Variants in DAAM1 observed in about 807,000 individuals in gnomAD.
The protein encoded by DAAM1 is dishevelled associated activator of morphogenesis 1.
In DAAM1, 52 loss-of-function variants were observed where a neutral mutation model predicts 130.0. The observed-to-expected ratio is 0.40, with a 90% CI of 0.32 to 0.50. DAAM1 has a LOEUF of 0.50. Ranked by LOEUF, DAAM1 falls within the 20% of genes least tolerant of loss-of-function variation. The pLI is 0.61. For synonymous variants in DAAM1, 452 were observed against 444.5 expected, an observed-to-expected ratio of 1.02 and a Z score of -0.21; for missense variants, 1,134 against 1,303.8, an observed-to-expected ratio of 0.87 and a Z score of 2.01.
intron 1 of DAAM1, among the ~76,000 whole-genome samples, chr14:59,259,464 C>T (rs138599198): frequency 3.0e-4 from 46 of 152,324 alleles, no homozygotes; most frequent in African/African-American, 1.1e-3. Flanking sequence ...TTCTTGCCCT[C>T]ATTTCCTGGT....
chr14:59,249,319 G>C (rs1594779535), intron 1 of DAAM1, among the ~76,000 whole-genome samples: 1 of 152,166 alleles, frequency 6.6e-6, no homozygotes, highest in South Asian at 2.1e-4. Flanking sequence ...GTGTACTTAT[G>C]TTCTAGAAGT....
intron 1 of DAAM1, among the ~76,000 whole-genome samples, chr14:59,233,903 C>A (rs558763787): frequency 6.6e-6 from 1 of 152,260 alleles, no homozygotes; most frequent in South Asian, 2.1e-4. Flanking sequence ...TTTCCCATTG[C>A]TTGTTTTTGT....
Position 59,352,513 on chromosome 14 carries a change from G to A in DAAM1, c.2161-13G>A. The A allele has an allele frequency of 6.2e-7, 1 of 1,600,450 alleles. No individual in the cohort carries two copies. Among genetic ancestry groups the A allele is most frequent in the Non-Finnish European group, 8.5e-7 (1 of 1,170,456 alleles). On this transcript the variant is annotated splice_polypyrimidine_tract_variant and intron_variant, in intron 17 of 24. Coordinates refer to ENST00000360909, the MANE Select transcript of DAAM1 (RefSeq NM_001270520.2). Reference sequence around the variant, plus strand: ...GATAAACCTCAGTTTTAATATTCGTGTGTACTTTTCAGCTCTTGAAATTTG... The same window carrying A: ...GATAAACCTCAGTTTTAATATTCGTATGTACTTTTCAGCTCTTGAAATTTG...
intron 12 of DAAM1, among the ~76,000 whole-genome samples, 167 bp downstream of exon 12, chr14:59,327,158 A>G (rs1221009114): frequency 6.6e-6 from 1 of 152,056 alleles, no homozygotes; most frequent in African/African-American, 2.4e-5. Flanking sequence ...AAATTGAGCT[A>G]TTTTAGTTGT....
intron 14 of DAAM1, 80 bp downstream of exon 14, chr14:59,331,588 C>G: frequency 6.6e-7 from 1 of 1,513,180 alleles, no homozygotes; most frequent in Non-Finnish European, 8.8e-7. Flanking sequence ...GAAAACAGCC[C>G]TGGCTGTTAA....
At chr14:59,197,383 T>C (rs1887932560) in intron 1 of DAAM1, among the ~76,000 whole-genome samples, 1 of 152,244 alleles carries the variant, frequency 6.6e-6, no homozygotes, top group African/African-American at 2.4e-5. Context: ...CTGTTGGTAA[T>C]GTGAACTAAA....
intron 19 of DAAM1, among the ~76,000 whole-genome samples, chr14:59,354,253 G>A (rs1356213977): frequency 6.6e-6 from 1 of 152,096 alleles, no homozygotes; most frequent in Non-Finnish European, 1.5e-5. Context: ...GTAGAGACGG[G>A]GTTTCACCAC....
At chr14:59,359,688 C>CCAAAG (rs1337801772) in intron 21 of DAAM1, among the ~76,000 whole-genome samples, 184 bp downstream of exon 21, 8 of 152,176 alleles carry the variant, frequency 5.3e-5, no homozygotes, top group African/African-American at 1.9e-4. Context: ...TATGTTTGTT[C>CCAAAG]TAGCTTCTTT....
intron 3 of DAAM1, among the ~76,000 whole-genome samples, chr14:59,307,513 G>C (rs1380109871): frequency 6.6e-6 from 1 of 152,170 alleles, no homozygotes; most frequent in Non-Finnish European, 1.5e-5. Context: ...GATAAAGAGG[G>C]AGCTAACTGA....
At chr14:59,322,471 A>C (rs758145452) in intron 5 of DAAM1, among the ~76,000 whole-genome samples, 6 of 150,888 alleles carry the variant, frequency 4.0e-5, no homozygotes, top group African/African-American at 7.3e-5. Flanking sequence ...GCAGTGAGCT[A>C]TGACAGAGCA....
At chr14:59,190,442 A>G (rs1334909653) in intron 1 of DAAM1, among the ~76,000 whole-genome samples, 1 of 152,178 alleles carries the variant, frequency 6.6e-6, no homozygotes, top group African/African-American at 2.4e-5. Context: ...TGTTGTGCAT[A>G]AAGAGAGCTC....
intron 15 of DAAM1, among the ~76,000 whole-genome samples, chr14:59,336,620 C>T (rs1185380927): frequency 6.6e-6 from 1 of 152,128 alleles, no homozygotes; most frequent in Non-Finnish European, 1.5e-5. Context: ...GAAACTCTTG[C>T]TTGGCATTCT....
chr14:59,311,455 G>A (rs1439222762), intron 3 of DAAM1, among the ~76,000 whole-genome samples: 1 of 151,570 alleles, frequency 6.6e-6, no homozygotes. Flanking sequence ...CAAAGCTCTT[G>A]TCCTGACAAT....
chr14:59,230,383 C>G (rs951308866), intron 1 of DAAM1, among the ~76,000 whole-genome samples: 1 of 151,858 alleles, frequency 6.6e-6, no homozygotes, highest in African/African-American at 2.4e-5. Flanking sequence ...AACATGGAGC[C>G]TCTTCCTGGG....
chr14:59,324,651 C>T (rs1885140933), intron 8 of DAAM1, among the ~76,000 whole-genome samples, 197 bp downstream of exon 8: 1 of 152,198 alleles, frequency 6.6e-6, no homozygotes, highest in Non-Finnish European at 1.5e-5. Flanking sequence ...ATGTAGAGAA[C>T]TTAATGTGGG....
chr14:59,245,800 T>C (rs1881343228), intron 1 of DAAM1, among the ~76,000 whole-genome samples: 1 of 152,206 alleles, frequency 6.6e-6, no homozygotes, highest in Non-Finnish European at 1.5e-5. Context: ...ATATTAGTGT[T>C]GTACAGTTGA....
At chr14:59,228,034 C>T (rs914028322) in intron 1 of DAAM1, among the ~76,000 whole-genome samples, 3 of 152,050 alleles carry the variant, frequency 2.0e-5, no homozygotes, top group Admixed American at 6.6e-5. Flanking sequence ...TAGTAGAAAC[C>T]CTTTGAACTT....
intron 12 of DAAM1, among the ~76,000 whole-genome samples, chr14:59,330,121 G>T (rs1455719908): frequency 6.6e-6 from 1 of 152,160 alleles, no homozygotes; most frequent in South Asian, 2.1e-4. Flanking sequence ...GTGAAAAGAG[G>T]CCATTTGAAT....
intron 3 of DAAM1, among the ~76,000 whole-genome samples, chr14:59,312,882 G>A (rs17096065): frequency 0.2 from 29,898 of 152,088 alleles, 3,113 homozygotes; most frequent in East Asian, 0.32. Context: ...TGGGATAATG[G>A]GAGCAAAGTA....
Sources: allele counts gnomAD v4.1 joint callset (sites outside exome capture counted in the v4.1 genomes callset), GRCh38; gene constraint gnomAD v4.1.1; transcripts MANE v1.5; gene names NCBI Gene and HGNC (gene_info 2026-07-23, HGNC 2026-07-21).